The following ACOX3 variants were observed in gnomAD, a reference collection of about 807,000 sequenced individuals.
The protein encoded by ACOX3 is peroxisomal acyl-coenzyme A oxidase 3.
ACOX3 carries 73 observed loss-of-function variants against 81.5 expected under a neutral mutation model. The observed-to-expected ratio is 0.90, with a 90% CI of 0.74 to 1.09. ACOX3 has a LOEUF of 1.09. Ranked by LOEUF, ACOX3 falls within the 50% of genes least tolerant of loss-of-function variation. The probability of loss-of-function intolerance (pLI) is 0.00; values close to 1 mark genes in which losing one functional copy is unlikely to be tolerated. For synonymous variants in ACOX3, 387 were observed against 375.1 expected (o/e 1.03, Z -0.37); for missense variants, 947 against 928.0 (o/e 1.02, Z -0.27).
intron 5 of ACOX3, among the ~76,000 whole-genome samples, chr4:8,413,412 C>T (rs969159869): frequency 7.0e-6 from 1 of 142,504 alleles, no homozygotes; most frequent in Non-Finnish European, 1.5e-5. Flanking sequence ...CCCAGGGCAT[C>T]CATCTGTGGC....
At chr4:8,359,016 G>A in the ACOX3 span, among the ~76,000 whole-genome samples, 2 of 152,122 alleles carry the variant, frequency 1.3e-5, no homozygotes, top group African/African-American at 4.8e-5. The surrounding 1 kb of genome is among the most constrained non-coding windows in gnomAD (Gnocchi z 6.0). Context: ...TCTTTCTGGT[G>A]ACCATGGAAA....
At chr4:8,387,580 G>T (rs1718465422) in intron 13 of ACOX3, among the ~76,000 whole-genome samples, 1 of 152,220 alleles carries the variant, frequency 6.6e-6, no homozygotes, top group Non-Finnish European at 1.5e-5. Context: ...CTGCGGCTTT[G>T]AGCTGTTCTC....
chr4:8,415,421 T>A (rs747263089), intron 3 of ACOX3, among the ~76,000 whole-genome samples: 13 of 151,966 alleles, frequency 8.6e-5, no homozygotes, highest in Admixed American at 2.6e-4. Context: ...TTTTTTATTT[T>A]TTTTTTAATC....
rs1448446523 is a variant in ACOX3 at position 8,385,748 on chromosome 4, A to G, written c.1537+3425T>C. ...CCCCGGAAGGGGCCTGTGTCTCTCC[A>G]GTCCTGCAGAGCCTGAGGGCCCCAC... is the stretch of plus-strand genomic sequence containing the variant. On this transcript the variant is annotated intron_variant, in intron 13 of 17. Transcript: ENST00000356406. This position sits in a 1 kb window ranked among gnomAD's most constrained non-coding sequence, Gnocchi z 5.5. Among the ~76,000 whole-genome samples the G allele has an allele frequency of 2.0e-5, 3 of 152,322 alleles. No homozygotes were observed. In the East Asian group the frequency reaches 5.8e-4, roughly 29 times the overall value.
chr4:8,397,415 G>T (rs2386225), intron 8 of ACOX3, among the ~76,000 whole-genome samples: 14,468 of 152,224 alleles, frequency 0.095, 1,319 homozygotes, highest in African/African-American at 0.24. Flanking sequence ...TGCTCCCACT[G>T]TGGGGACTTG....
chr4:8,387,263 G>A (rs1340606844), intron 13 of ACOX3, among the ~76,000 whole-genome samples: 5 of 152,206 alleles, frequency 3.3e-5, no homozygotes, highest in African/African-American at 1.2e-4. Flanking sequence ...CCGTCCCCGT[G>A]CTGCAGATGA....
intron 1 of ACOX3, among the ~76,000 whole-genome samples, chr4:8,434,674 A>C (rs1212105165): frequency 6.6e-6 from 1 of 152,086 alleles, no homozygotes; most frequent in Admixed American, 6.5e-5. Flanking sequence ...GAACTTGCAC[A>C]CTCCATTTGA....
rs1720230554 is a variant in ACOX3 at position 8,400,279 on chromosome 4, ATAAT to A, written c.777-631_777-628del. 2.0e-5 allele frequency among the ~76,000 whole-genome samples: 3 copies of A among 151,340 alleles called. No homozygotes were observed. Among genetic ancestry groups the A allele is most frequent in the Non-Finnish European group, 2.9e-5 (2 of 67,886 alleles). ...AATAATAATAATAATAATAATAATA[ATAAT>A]AAAAGCATTGTGTATATGGTAAGTT... On this transcript the variant is annotated intron_variant, in intron 7 of 17. Transcript: ENST00000356406. The surrounding 1 kb of genome is among the most constrained non-coding windows in gnomAD (Gnocchi z 4.4).
Position 8,376,642 on chromosome 4 carries a change from G to A in ACOX3, c.1654-1490C>T, listed in dbSNP as rs547121193. On this transcript the variant is annotated intron_variant, in intron 14 of 17. Coordinates refer to ENST00000356406, the MANE Select transcript of ACOX3 (RefSeq NM_003501.3). ...TGTCCCAAGACCCCCGCTGGGCCCC[G>A]CACACTCCTGGGTGGGCCGTCCTGT... 1.3e-4 allele frequency among the ~76,000 whole-genome samples: 20 copies of A among 152,298 alleles called. No individual in the cohort carries two copies. The South Asian group carries it at 3.7e-3, about 28-fold the overall frequency.
In ACOX3 at chr4:8,431,419, GC is replaced by G. The variant is rs1272268312; in HGVS notation, c.-15+9228del. Among the ~76,000 whole-genome samples the G allele has an allele frequency of 6.6e-6, 1 of 152,148 alleles. No homozygotes were observed. Among genetic ancestry groups the G allele is most frequent in the Non-Finnish European group, 1.5e-5 (1 of 68,018 alleles). The stretch of plus-strand genomic sequence containing the variant: ...TCCATCCACCGTGCTCCCCTCCTGG[GC>G]CTGAGGACACTGCTGACCTGCATCT... On this transcript the variant is annotated intron_variant, in intron 1 of 17. Transcript: ENST00000356406. The surrounding 1 kb of genome is among the most constrained non-coding windows in gnomAD (Gnocchi z 5.3).
chr4:8,421,024 G>A (rs181701066), intron 1 of ACOX3, among the ~76,000 whole-genome samples: 65 of 152,256 alleles, frequency 4.3e-4, no homozygotes, highest in East Asian at 3.3e-3. Flanking sequence ...CTTGGAATCC[G>A]TGAGGCCAAG....
At chr4:8,378,141 T>C (rs1717199424) in intron 14 of ACOX3, among the ~76,000 whole-genome samples, 1 of 152,298 alleles carries the variant, frequency 6.6e-6, no homozygotes, top group East Asian at 1.9e-4. Context: ...TGGTACACTC[T>C]GGTTGGTGAA....
intron 1 of ACOX3, among the ~76,000 whole-genome samples, chr4:8,425,575 A>C (rs1723392969): frequency 6.6e-6 from 1 of 150,688 alleles, no homozygotes. Context: ...GTGGCAAAGA[A>C]ATAATCCCCT....
rs542060288 is a variant in ACOX3, at chr4:8,400,179, C to T, written c.777-527G>A. On this transcript the variant is annotated intron_variant, in intron 7 of 17. Transcript: ENST00000356406. The surrounding 1 kb of genome is among the most constrained non-coding windows in gnomAD (Gnocchi z 4.4). ...GACAGGAGAATTGTTTGAACCCGGG[C>T]GGCGGAAGTTGCAGTGAGCCAAGAT... is the stretch of plus-strand genomic sequence containing the variant. Among the ~76,000 whole-genome samples, 11 of 151,906 alleles carry T rather than the reference C, an allele frequency of 7.2e-5. No individual in the cohort carries two copies. Among genetic ancestry groups the T allele is most frequent in the South Asian group, 4.2e-4 (2 of 4,804 alleles).
downstream of ACOX3, among the ~76,000 whole-genome samples, chr4:8,363,403 T>C (rs1715273614): frequency 6.6e-6 from 1 of 152,230 alleles, no homozygotes; most frequent in East Asian, 1.9e-4. Flanking sequence ...GAGTTATGAA[T>C]GGCTCTCACC....
At chr4:8,377,441 T>C (rs528653826) in intron 14 of ACOX3, among the ~76,000 whole-genome samples, 1 of 151,042 alleles carries the variant, frequency 6.6e-6, no homozygotes, top group South Asian at 2.1e-4. Context: ...CCAGTGAGTT[T>C]TGAAACACAG....
rs895633470 is a variant in ACOX3, at chr4:8,432,284, A to C, written c.-15+8364T>G. On this transcript the variant is annotated intron_variant, in intron 1 of 17. Coordinates refer to ENST00000356406, the MANE Select transcript of ACOX3 (RefSeq NM_003501.3). This position sits in a 1 kb window ranked among gnomAD's most constrained non-coding sequence, Gnocchi z 6.2. ...AGTCTCGCTCTGTTGCCCAGACTGGAGTGCAGTGGTGCCATCTCGGCTCAC... is the reference window on the plus strand; with the variant it reads ...AGTCTCGCTCTGTTGCCCAGACTGGCGTGCAGTGGTGCCATCTCGGCTCAC... Among the ~76,000 whole-genome samples the C allele has an allele frequency of 6.6e-6, 1 of 152,032 alleles. No homozygotes were observed. The highest frequency in any genetic ancestry group is 1.5e-5 in the Non-Finnish European group (1 of 68,000).
chr4:8,376,405 G>T (rs577180377), intron 14 of ACOX3, among the ~76,000 whole-genome samples: 2 of 151,946 alleles, frequency 1.3e-5, no homozygotes, highest in South Asian at 2.1e-4. Flanking sequence ...ACTGACTGCT[G>T]CAGGAGGACC....
At chr4:8,420,654 T>A (rs1048157510) in intron 1 of ACOX3, among the ~76,000 whole-genome samples, 1 of 152,198 alleles carries the variant, frequency 6.6e-6, no homozygotes, top group Non-Finnish European at 1.5e-5. Flanking sequence ...CCCCGTTGAA[T>A]GGGAGCTCTG....
Sources: allele counts gnomAD v4.1 joint callset (sites outside exome capture counted in the v4.1 genomes callset), GRCh38; gene constraint gnomAD v4.1.1; non-coding constraint Gnocchi (gnomAD v3.1); transcripts MANE v1.5; gene names NCBI Gene and HGNC (gene_info 2026-07-23, HGNC 2026-07-21).